Variants in ADAMTSL1 observed in about 807,000 individuals in gnomAD.
ADAMTSL1 encodes the protein ADAMTS-like protein 1.
Under a neutral mutation model 201.8 loss-of-function variants are expected in ADAMTSL1, and 126 were observed. The observed-to-expected ratio is 0.62, with a 90% CI of 0.54 to 0.72. ADAMTSL1 has a LOEUF of 0.72. ADAMTSL1 is among the 30% of genes least tolerant of loss of function. The probability of loss-of-function intolerance (pLI) is 0.00; values close to 1 mark genes in which losing one functional copy is unlikely to be tolerated. For missense variants in ADAMTSL1, 2,679 were observed against 2,277.8 expected (o/e 1.18, Z -3.59); for synonymous variants, 1,121 against 903.4 (o/e 1.24, Z -4.32).
At chr9:18,890,591 G>A (rs1229686179) in intron 25 of ADAMTSL1, 9 of 455,846 alleles carry the variant, frequency 2.0e-5, no homozygotes, top group East Asian at 6.9e-5. Flanking sequence ...GGAGAGATTC[G>A]ATGAAATATG....
chr9:18,521,823 G>A (rs368175005), intron 2 of ADAMTSL1, among the ~76,000 whole-genome samples: 1 of 152,276 alleles, frequency 6.6e-6, no homozygotes, highest in East Asian at 1.9e-4. Context: ...TTAAGTACAA[G>A]AGTAAAGCAA....
At chr9:18,083,801 C>T (rs968817994) in intron 1 of ADAMTSL1, among the ~76,000 whole-genome samples, 1 of 152,164 alleles carries the variant, frequency 6.6e-6, no homozygotes, top group Non-Finnish European at 1.5e-5. Context: ...TTAGCTTTTA[C>T]CACCCTCCAC....
rs549762693 is a variant in ADAMTSL1, at chr9:18,093,011, A to G, written c.88-70851A>G. On this transcript the variant is annotated intron_variant, in intron 1 of 29. Coordinates refer to the ADAMTSL1 transcript ENST00000680146. ...GCTGACATTGTTTTGCAGCTGTGCC[A>G]TATTTTAAGACTGACCAATGGGATG... Among the ~76,000 whole-genome samples, 35 of 152,278 alleles carry G rather than the reference A, an allele frequency of 2.3e-4. No individual in the cohort carries two copies. In the East Asian group the frequency reaches 6.8e-3, roughly 29 times the overall value.
At chr9:18,246,875 T>C (rs560388970) in intron 2 of ADAMTSL1, among the ~76,000 whole-genome samples, 4 of 152,086 alleles carry the variant, frequency 2.6e-5, no homozygotes, top group Non-Finnish European at 5.9e-5. Flanking sequence ...ATGTAATAAA[T>C]ATATGGTGTG....
At chr9:18,545,902 G>C (rs1160510237) in intron 3 of ADAMTSL1, among the ~76,000 whole-genome samples, 1 of 152,172 alleles carries the variant, frequency 6.6e-6, no homozygotes, top group Non-Finnish European at 1.5e-5. Flanking sequence ...GTTTCTGTAA[G>C]CCTAGAAACG....
chr9:18,168,269 T>C (rs1428339345), intron 2 of ADAMTSL1, among the ~76,000 whole-genome samples: 1 of 152,050 alleles, frequency 6.6e-6, no homozygotes, highest in Non-Finnish European at 1.5e-5. Flanking sequence ...ATGCTATCCC[T>C]CACCCCTCCC....
At chr9:18,165,499 ACTGT>A (rs2132101321) in intron 2 of ADAMTSL1, among the ~76,000 whole-genome samples, 1 of 151,972 alleles carries the variant, frequency 6.6e-6, no homozygotes, top group African/African-American at 2.4e-5. Flanking sequence ...TAAAATGAAA[ACTGT>A]CCATGCTGTT....
chr9:18,451,695 C>G (rs1209809533), intron 2 of ADAMTSL1, among the ~76,000 whole-genome samples: 1 of 152,184 alleles, frequency 6.6e-6, no homozygotes, highest in Non-Finnish European at 1.5e-5. Context: ...CTTCTTCAAG[C>G]CTGAAAAGGA....
intron 4 of ADAMTSL1, among the ~76,000 whole-genome samples, chr9:18,617,886 C>T (rs1381792925): frequency 1.3e-5 from 2 of 152,112 alleles, no homozygotes; most frequent in African/African-American, 4.8e-5. Context: ...CCACTGCATC[C>T]AGCTGACACC....
At chr9:17,913,053 A>G (rs567067514) in intron 1 of ADAMTSL1, among the ~76,000 whole-genome samples, 3 of 152,190 alleles carry the variant, frequency 2.0e-5, no homozygotes, top group South Asian at 2.1e-4. Flanking sequence ...TCATTGATCT[A>G]TATCTCTGTT....
intron 2 of ADAMTSL1, among the ~76,000 whole-genome samples, chr9:18,527,359 A>AT (rs1296464191): frequency 6.6e-6 from 1 of 152,168 alleles, no homozygotes; most frequent in Non-Finnish European, 1.5e-5. Context: ...GAATGACCAG[A>AT]TTTTCTTGAA....
At chr9:18,549,015 A>G (rs1054813501) in intron 3 of ADAMTSL1, among the ~76,000 whole-genome samples, 7 of 151,980 alleles carry the variant, frequency 4.6e-5, no homozygotes, top group African/African-American at 1.7e-4. Flanking sequence ...AGAGTGTACA[A>G]AAGGCTCCAA....
chr9:18,765,242 C>T (rs965268061), intron 16 of ADAMTSL1, among the ~76,000 whole-genome samples: 2 of 152,168 alleles, frequency 1.3e-5, no homozygotes, highest in Admixed American at 1.3e-4. Flanking sequence ...GAGATCCATA[C>T]TCCTACAAAT....
intron 1 of ADAMTSL1, among the ~76,000 whole-genome samples, chr9:18,057,215 T>C (rs1822232690): frequency 6.6e-6 from 1 of 152,162 alleles, no homozygotes; most frequent in South Asian, 2.1e-4. Flanking sequence ...AGAATTACTG[T>C]GCACTCACGG....
intron 16 of ADAMTSL1, among the ~76,000 whole-genome samples, chr9:18,760,210 G>A (rs764062887): frequency 8.6e-5 from 13 of 152,032 alleles, no homozygotes; most frequent in Admixed American, 2.6e-4. Flanking sequence ...CATCCTTCAC[G>A]CTTTGTCAAC....
At chr9:18,360,036 C>A (rs1285560428) in intron 2 of ADAMTSL1, among the ~76,000 whole-genome samples, 3 of 151,984 alleles carry the variant, frequency 2.0e-5, no homozygotes, top group Non-Finnish European at 4.4e-5. Flanking sequence ...GTACTTGGCA[C>A]TTGATTAGTG....
chr9:18,711,931 C>T (rs1832635523), intron 14 of ADAMTSL1, among the ~76,000 whole-genome samples: 1 of 83,582 alleles, frequency 1.2e-5, no homozygotes, highest in Non-Finnish European at 3.2e-5. Context: ...TCAAGTGGGT[C>T]CCTGACCCCT....
At chr9:18,229,189 C>G (rs1436567918) in intron 2 of ADAMTSL1, among the ~76,000 whole-genome samples, 1 of 152,132 alleles carries the variant, frequency 6.6e-6, no homozygotes, top group Non-Finnish European at 1.5e-5. Flanking sequence ...ATCCCTGGAT[C>G]ACTGCACACC....
rs201340560 is a variant in ADAMTSL1 at position 18,733,628 on chromosome 9, T to TC, written c.2006+11969dup. Among the ~76,000 whole-genome samples the TC allele has an allele frequency of 1.8e-4, 19 of 103,790 alleles. No homozygotes were observed. In the Middle Eastern group the frequency reaches 0.014, roughly 75 times the overall value. 68.1% of individuals were successfully genotyped at this position (103,790 alleles called of 152,430 possible). On this transcript the variant is annotated intron_variant, in intron 15 of 28. Transcript: ENST00000380548. ...TGTTGTAAATTACCGACACCACCAC[T>TC]CCCCCCACACACACACTCACTCGCT...
Sources: allele counts gnomAD v4.1 joint callset (sites outside exome capture counted in the v4.1 genomes callset), GRCh38; gene constraint gnomAD v4.1.1; transcripts MANE v1.5; gene names NCBI Gene and HGNC (gene_info 2026-07-23, HGNC 2026-07-21).